Variants in LRP1B observed in about 807,000 individuals in gnomAD.
LRP1B encodes the protein LDL receptor related protein 1B, also known as low-density lipoprotein receptor-related protein 1B.
Under a neutral mutation model 556.6 loss-of-function variants are expected in LRP1B, and 217 were observed. The observed-to-expected ratio is 0.39, with a 90% CI of 0.35 to 0.44. LRP1B has a LOEUF of 0.44. LRP1B is among the 20% of genes least tolerant of loss of function. LRP1B has a pLI of 1.00. For synonymous variants in LRP1B, 2,047 were observed against 1,865.8 expected, an observed-to-expected ratio of 1.10 and a Z score of -2.50; for missense variants, 5,053 against 5,620.8, an observed-to-expected ratio of 0.90 and a Z score of 3.23.
intron 32 of LRP1B, among the ~76,000 whole-genome samples, chr2:140,776,904 T>G (rs1379830628): frequency 2.6e-5 from 4 of 152,178 alleles, no homozygotes; most frequent in African/African-American, 9.7e-5. Flanking sequence ...TATTGTATTA[T>G]TTCAAATTGT....
chr2:141,157,988 T>C (rs1702110876), intron 7 of LRP1B, among the ~76,000 whole-genome samples: 1 of 152,164 alleles, frequency 6.6e-6, no homozygotes. Flanking sequence ...ACACCAGTTG[T>C]CATAACTAAT....
intron 31 of LRP1B, among the ~76,000 whole-genome samples, chr2:140,818,131 GAA>G (rs35196768): frequency 0.72 from 109,652 of 151,818 alleles, 42,267 homozygotes; most frequent in Non-Finnish European, 0.86. Flanking sequence ...AATTTTGCTG[GAA>G]AGAGTATCAC....
chr2:141,387,554 A>G (rs1212700853), intron 3 of LRP1B, among the ~76,000 whole-genome samples: 12 of 152,178 alleles, frequency 7.9e-5, no homozygotes, highest in Non-Finnish European at 1.5e-4. Flanking sequence ...AACAAATTAG[A>G]TAGCTTAGAT....
intron 25 of LRP1B, among the ~76,000 whole-genome samples, chr2:140,874,955 T>C (rs1573829823): frequency 6.6e-6 from 1 of 150,996 alleles, no homozygotes; most frequent in African/African-American, 2.4e-5. Context: ...GGAGCAGAGG[T>C]TGCAGTGAGC....
chr2:140,580,231 A>G lies in LRP1B; in HGVS notation c.7194+18400T>C, dbSNP rs191081987. The stretch of plus-strand genomic sequence containing the variant: ...AATTGAGTAATATCTTAGACCAGTC[A>G]CAGTTCATAACAAAAAAGACGCAAG... On this transcript the variant is annotated intron_variant, in intron 43 of 90. Coordinates refer to ENST00000389484, the MANE Select transcript of LRP1B (RefSeq NM_018557.3). Among the ~76,000 whole-genome samples, 3 of 152,354 alleles carry G rather than the reference A, an allele frequency of 2.0e-5. No homozygotes were observed. The East Asian group carries it at 5.8e-4, about 29-fold the overall frequency.
At chr2:140,426,236 A>G (rs1324670880) in intron 66 of LRP1B, among the ~76,000 whole-genome samples, 2 of 152,326 alleles carry the variant, frequency 1.3e-5, no homozygotes, top group South Asian at 2.1e-4. Flanking sequence ...CATATTCCCA[A>G]TATTAAGAAT....
chr2:140,491,724 T>C (rs548632486), intron 57 of LRP1B, among the ~76,000 whole-genome samples: 51 of 152,134 alleles, frequency 3.4e-4, no homozygotes, highest in Non-Finnish European at 6.5e-4. Flanking sequence ...AGTTGTTCAT[T>C]CTTATATTTT....
At chr2:140,603,597 A>G (rs1289011154) in intron 41 of LRP1B, among the ~76,000 whole-genome samples, 1 of 152,100 alleles carries the variant, frequency 6.6e-6, no homozygotes, top group Non-Finnish European at 1.5e-5. Flanking sequence ...TCTCTTGCCA[A>G]TTCAGGAAGA....
intron 41 of LRP1B, among the ~76,000 whole-genome samples, chr2:140,680,713 C>T (rs77303003): frequency 0.018 from 2,713 of 152,254 alleles, 75 homozygotes; most frequent in African/African-American, 0.06. Flanking sequence ...TTAACCTTAA[C>T]AGGCTTACCA....
At chr2:141,597,243 GTTTCCAATATCAC>G (rs908440198) in intron 2 of LRP1B, among the ~76,000 whole-genome samples, 7 of 151,882 alleles carry the variant, frequency 4.6e-5, no homozygotes, top group African/African-American at 1.7e-4. Context: ...CTACTTTCTT[GTTTCCAATATCAC>G]TCTCCCAATT....
At chr2:140,652,587 A>G (rs1216882692) in intron 41 of LRP1B, among the ~76,000 whole-genome samples, 2 of 152,128 alleles carry the variant, frequency 1.3e-5, no homozygotes, top group African/African-American at 4.8e-5. Context: ...CCTCTATAGG[A>G]CCAAGTTTTA....
chr2:141,231,562 T>A (rs1683469586), intron 5 of LRP1B, among the ~76,000 whole-genome samples: 1 of 152,128 alleles, frequency 6.6e-6, no homozygotes. Context: ...GGGAAAAGCA[T>A]GCAGCTTATA....
At chr2:140,843,067 GTTTTTTTTTTTTTGTTTGTTTTT>G (rs869191377) in intron 29 of LRP1B, among the ~76,000 whole-genome samples, 1 of 10,644 alleles carries the variant, frequency 9.4e-5, no homozygotes, top group African/African-American at 2.3e-4. Context: ...TTTTTTTTTT[GTTTTTTTTTTTTTGTTTGTTTTT>G]TTTTTTTTTG....
chr2:141,476,062 G>A (rs75287475), intron 3 of LRP1B, among the ~76,000 whole-genome samples: 4,244 of 152,154 alleles, frequency 0.028, 102 homozygotes, highest in Non-Finnish European at 0.037. Flanking sequence ...TGCAGGCACC[G>A]AACCGTAAAT....
intron 84 of LRP1B, among the ~76,000 whole-genome samples, chr2:140,282,847 A>G (rs1682971550): frequency 6.6e-6 from 1 of 151,844 alleles, no homozygotes; most frequent in African/African-American, 2.4e-5. Context: ...CACTTGTAGA[A>G]AACACCCAAC....
At chr2:141,674,094 G>A (rs1690782250) in intron 2 of LRP1B, among the ~76,000 whole-genome samples, 2 of 151,984 alleles carry the variant, frequency 1.3e-5, no homozygotes, top group Admixed American at 6.6e-5. Context: ...GCACATCTGA[G>A]TCTCCATAGC....
At chr2:140,635,396 T>C (rs550402757) in intron 41 of LRP1B, among the ~76,000 whole-genome samples, 1 of 152,146 alleles carries the variant, frequency 6.6e-6, no homozygotes, top group Non-Finnish European at 1.5e-5. Flanking sequence ...GAAATTGGTG[T>C]ATGAGCAGTT....
chr2:141,630,192 C>T (rs374007680), intron 2 of LRP1B, among the ~76,000 whole-genome samples: 22 of 152,294 alleles, frequency 1.4e-4, no homozygotes, highest in African/African-American at 4.8e-4. Context: ...CTCAAACCAT[C>T]ACACACAGGA....
In LRP1B at chr2:141,642,645, TGAA is replaced by T. The variant is rs563528550; in HGVS notation, c.206-162115_206-162113del. Among the ~76,000 whole-genome samples, 15 of 152,096 alleles carry T rather than the reference TGAA, an allele frequency of 9.9e-5. No individual in the cohort carries two copies. The South Asian group carries it at 2.5e-3, about 25-fold the overall frequency. On this transcript the variant is annotated intron_variant, in intron 2 of 90. Coordinates refer to ENST00000389484, the MANE Select transcript of LRP1B (RefSeq NM_018557.3). ...TAGAAAGGAGAAATCAGGGAGGATATGAAGAAGAAGATGGATGGCATGAGAAAA... is the reference window on the plus strand; with the variant it reads ...TAGAAAGGAGAAATCAGGGAGGATATGAAGAAGATGGATGGCATGAGAAAA...
Sources: gnomAD v4.1 joint callset for allele counts (sites outside exome capture counted in the v4.1 genomes callset) on GRCh38, gnomAD v4.1.1 for gene constraint, MANE v1.5 for transcripts, NCBI Gene and HGNC (gene_info 2026-07-23, HGNC 2026-07-21) for gene names.